The following SATB2 variants were observed in gnomAD, a reference collection of about 807,000 sequenced individuals.
SATB2 encodes SATB homeobox 2.
In SATB2, 1 loss-of-function variant was observed where a neutral mutation model predicts 73.4. The observed-to-expected ratio is 0.01, with a 90% confidence interval of 0.00 to 0.06. SATB2 has a LOEUF of 0.06. Among genes scored for constraint, SATB2 ranks in the 10% least tolerant of loss-of-function variants. SATB2 has a pLI of 1.00. For missense variants in SATB2, 459 were observed against 945.8 expected (o/e 0.49, Z 6.75); for synonymous variants, 397 against 367.0 (o/e 1.08, Z -0.93).
In SATB2 at chr2:199,463,752, C is replaced by T. The variant is rs1016679385; in HGVS notation, c.-141+1084G>A. On this transcript the variant is annotated intron_variant, in intron 1 of 11. Transcript: ENST00000260926. This position sits in a 1 kb window ranked among gnomAD's most constrained non-coding sequence, Gnocchi z 6.4. ...CGCCCTGGCGCGTGCAAAATACGAA[C>T]GCCCACAGTTTGTCCCAACCCCTTG... Among the ~76,000 whole-genome samples the T allele has an allele frequency of 2.6e-5, 4 of 152,224 alleles. No homozygotes were observed. The highest frequency in any genetic ancestry group is 9.6e-5 in the African/African-American group (4 of 41,472).
upstream of SATB2, among the ~76,000 whole-genome samples, chr2:199,467,186 G>A (rs1374564848): frequency 1.3e-5 from 2 of 152,272 alleles, no homozygotes; most frequent in Non-Finnish European, 2.9e-5. Flanking sequence ...CAGGCGTGAA[G>A]GGCGGGACGC....
At chr2:199,292,789 T>C (rs534328455) in intron 10 of SATB2, among the ~76,000 whole-genome samples, 1 of 152,270 alleles carries the variant, frequency 6.6e-6, no homozygotes, top group South Asian at 2.1e-4. Flanking sequence ...ATGAATTTAA[T>C]AGAGAAAAAG....
chr2:199,359,887 C>A (rs1689088501), intron 6 of SATB2, among the ~76,000 whole-genome samples: 1 of 152,070 alleles, frequency 6.6e-6, no homozygotes, highest in Admixed American at 6.6e-5. Flanking sequence ...ATGTCTATTC[C>A]CTTGGGAGTT....
At chr2:199,347,732 T>G (rs1207238619) in intron 7 of SATB2, 2 of 152,212 alleles carry the variant, frequency 1.3e-5, no homozygotes, top group African/African-American at 4.8e-5. Flanking sequence ...CTCTCCAACA[T>G]TACTCATAAC....
chr2:199,409,000 TTC>T (rs1468524439), intron 3 of SATB2, among the ~76,000 whole-genome samples: 2 of 152,104 alleles, frequency 1.3e-5, no homozygotes, highest in African/African-American at 4.8e-5. Flanking sequence ...CATCTAGTTT[TTC>T]TCTTTTTCAC....
At position 199,433,324 on chromosome 2, in the gene SATB2, A is replaced by T; in HGVS notation, c.346+14T>A. On this transcript the variant is annotated intron_variant, in intron 3 of 10. Transcript: ENST00000417098. ...CACAAGAGACTTGGGAGGAGAGGGG[A>T]GAGGCATTAATACCTTGGGCCTGGG... 6.2e-7 allele frequency: 1 copy of T among 1,611,488 alleles called. No individual in the cohort carries two copies. The highest frequency in any genetic ancestry group is 8.5e-7 in the Non-Finnish European group (1 of 1,178,438).
intron 9 of SATB2, among the ~76,000 whole-genome samples, chr2:199,322,687 C>A (rs62178568): frequency 0.053 from 8,085 of 152,148 alleles, 256 homozygotes; most frequent in Middle Eastern, 0.13. Context: ...GTTAAAACTG[C>A]AGGTAAAGAA....
intron 10 of SATB2, among the ~76,000 whole-genome samples, chr2:199,281,942 C>T (rs1048144018): frequency 8.7e-5 from 13 of 149,194 alleles, no homozygotes; most frequent in East Asian, 4.0e-4. Flanking sequence ...AGTGCAGTGG[C>T]GTGATCTCAG....
intron 9 of SATB2, among the ~76,000 whole-genome samples, chr2:199,314,299 C>A (rs980335237): frequency 6.6e-6 from 1 of 152,250 alleles, no homozygotes; most frequent in South Asian, 2.1e-4. Flanking sequence ...TATTAGAGTA[C>A]ACAGAAATTA....
intron 3 of SATB2, among the ~76,000 whole-genome samples, chr2:199,386,205 T>C (rs1249191978): frequency 6.6e-6 from 1 of 152,192 alleles, no homozygotes; most frequent in Non-Finnish European, 1.5e-5. Flanking sequence ...CAGGTAGGCA[T>C]CCCAAATCCA....
At chr2:199,462,909 A>C (rs1458923612), upstream of SATB2, among the ~76,000 whole-genome samples, 5 of 152,252 alleles carry the variant, frequency 3.3e-5, no homozygotes, top group African/African-American at 1.2e-4. This position sits in a 1 kb window ranked among gnomAD's most constrained non-coding sequence, Gnocchi z 5.9. Flanking sequence ...CGGGAAGGGA[A>C]TTGCCAAGGT....
At chr2:199,469,251 G>A (rs1408340206), upstream of SATB2, among the ~76,000 whole-genome samples, 1 of 152,166 alleles carries the variant, frequency 6.6e-6, no homozygotes, top group Non-Finnish European at 1.5e-5. Flanking sequence ...GTCACCGAGC[G>A]TGTCAGTCAC....
intron 3 of SATB2, among the ~76,000 whole-genome samples, chr2:199,405,196 T>C (rs1690594399): frequency 6.6e-6 from 1 of 152,194 alleles, no homozygotes; most frequent in African/African-American, 2.4e-5. Context: ...TTATGTCCCT[T>C]GACTCCTCAT....
At chr2:199,394,232 T>C (rs1018791000) in intron 3 of SATB2, among the ~76,000 whole-genome samples, 3 of 152,182 alleles carry the variant, frequency 2.0e-5, no homozygotes, top group Admixed American at 1.3e-4. Flanking sequence ...ATGAAGCCCA[T>C]AGCATAAACC....
chr2:199,277,244 C>T (rs1473239411), intron 10 of SATB2, among the ~76,000 whole-genome samples: 1 of 152,096 alleles, frequency 6.6e-6, no homozygotes, highest in East Asian at 1.9e-4. Context: ...TCTATATTGA[C>T]CTGTGTGTTT....
At chr2:199,276,713 GA>G (rs1559138035) in intron 10 of SATB2, among the ~76,000 whole-genome samples, 1 of 151,968 alleles carries the variant, frequency 6.6e-6, no homozygotes, top group African/African-American at 2.4e-5. Context: ...AACAATTTAT[GA>G]AAAAGCTGGC....
chr2:199,313,056 GA>G (rs1345191618), intron 9 of SATB2, among the ~76,000 whole-genome samples: 2 of 152,152 alleles, frequency 1.3e-5, no homozygotes, highest in Admixed American at 1.3e-4. Context: ...AAAAACAGGT[GA>G]AATTAGAATA....
intron 3 of SATB2, among the ~76,000 whole-genome samples, chr2:199,413,700 A>T (rs576157682): frequency 6.6e-6 from 1 of 152,138 alleles, no homozygotes; most frequent in African/African-American, 2.4e-5. Context: ...CCAGAATAAT[A>T]AAGGCAGAGC....
At position 199,348,976 on chromosome 2, in the gene SATB2, G is replaced by A. The variant is rs1688732983; in HGVS notation, c.898C>T (p.Pro300Ser). The A allele has an allele frequency of 6.2e-7, 1 of 1,614,152 alleles. No individual in the cohort carries two copies. The highest frequency in any genetic ancestry group is 2.2e-5 in the East Asian group (1 of 44,874). ...QPIMSPGLLS[P>S]QLSPQLVRQQ... ...CTTACAAGTTGTGGACTAAGCTGGGGAGAAAGAAGACCAGGGCTCATGATG... is the reference window on the plus strand; with the variant it reads ...CTTACAAGTTGTGGACTAAGCTGGGAAGAAAGAAGACCAGGGCTCATGATG... The change falls in exon 7 of 11, where the codon CCC becomes TCC. Residue 300 changes from proline to serine, a missense_variant. This residue lies in a region of SATB2 where 77 missense variants were observed against 90.4 expected (regional missense o/e 0.85). Coordinates refer to ENST00000417098, the MANE Select transcript of SATB2 (RefSeq NM_001172509.2).
Sources: allele counts gnomAD v4.1 joint callset (sites outside exome capture counted in the v4.1 genomes callset), GRCh38; gene constraint gnomAD v4.1.1; regional missense constraint gnomAD v4.1.1; non-coding constraint Gnocchi (gnomAD v3.1); transcripts MANE v1.5; gene names NCBI Gene and HGNC (gene_info 2026-07-23, HGNC 2026-07-21).